The following ELMO1 variants were observed in gnomAD, a reference collection of about 807,000 sequenced individuals.
ELMO1 encodes engulfment and cell motility protein 1.
ELMO1 carries 26 observed loss-of-function variants against 98.9 expected under a neutral mutation model. The ratio of observed to expected loss-of-function variants is 0.26; its 90% CI spans 0.19 to 0.36. The LOEUF (loss-of-function observed/expected upper bound fraction) is 0.36. ELMO1 is among the 10% of genes least tolerant of loss of function. The pLI is 1.00. For synonymous variants in ELMO1, 346 were observed against 346.0 expected (o/e 1.00, Z 0.00); for missense variants, 627 against 935.2 (o/e 0.67, Z 4.30).
chr7:37,381,465 T>C (rs1802576906), intron 1 of ELMO1, among the ~76,000 whole-genome samples: 1 of 152,174 alleles, frequency 6.6e-6, no homozygotes, highest in Non-Finnish European at 1.5e-5. Flanking sequence ...TAGTCAGTAA[T>C]ATACAACCCT....
chr7:37,239,409 C>A (rs1794644585), intron 7 of ELMO1, among the ~76,000 whole-genome samples: 2 of 152,208 alleles, frequency 1.3e-5, no homozygotes, highest in African/African-American at 4.8e-5. Context: ...TCGTGATCCA[C>A]CTGCCTTGGC....
rs545648584 is a variant in ELMO1 at position 37,100,370 on chromosome 7, T to C, written c.1192-3643A>G. On this transcript the variant is annotated intron_variant, in intron 14 of 21. Coordinates refer to ENST00000310758, the MANE Select transcript of ELMO1 (RefSeq NM_014800.11). ...CATAAATTCCAGGCTCTCCTCTGAA[T>C]GCTCTGTGTTTCTTGTCGCTCTTCT... Among the ~76,000 whole-genome samples the C allele has an allele frequency of 3.3e-5, 5 of 152,340 alleles. No individual in the cohort carries two copies. In the South Asian group the frequency reaches 6.2e-4, roughly 19 times the overall value.
chr7:37,226,235 A>G (rs1166916151), intron 8 of ELMO1, among the ~76,000 whole-genome samples: 3 of 152,214 alleles, frequency 2.0e-5, no homozygotes, highest in Non-Finnish European at 4.4e-5. Context: ...CCGAAAAGCT[A>G]TTATTTTAAA....
At chr7:37,034,565 C>T (rs1795072434) in intron 15 of ELMO1, among the ~76,000 whole-genome samples, 1 of 152,134 alleles carries the variant, frequency 6.6e-6, no homozygotes. Context: ...AGATGCCTAT[C>T]AGATAGCAAA....
intron 13 of ELMO1, among the ~76,000 whole-genome samples, chr7:37,167,401 T>C (rs1423201440): frequency 1.3e-5 from 2 of 152,080 alleles, no homozygotes; most frequent in Admixed American, 1.3e-4. Context: ...CTGGTTATTT[T>C]GCTCGTTAGT....
intron 16 of ELMO1, among the ~76,000 whole-genome samples, chr7:37,011,249 C>A (rs747318456): frequency 9.9e-5 from 15 of 152,176 alleles, no homozygotes; most frequent in Non-Finnish European, 1.9e-4. Context: ...CCTGGCAGGG[C>A]CCTGAACAGG....
At chr7:37,077,412 G>C (rs1439143077) in intron 15 of ELMO1, among the ~76,000 whole-genome samples, 2 of 152,196 alleles carry the variant, frequency 1.3e-5, no homozygotes, top group Admixed American at 1.3e-4. Context: ...GTCACACTGA[G>C]ATTTCTGGGG....
At chr7:37,281,922 C>T (rs897779530) in intron 4 of ELMO1, among the ~76,000 whole-genome samples, 6 of 152,142 alleles carry the variant, frequency 3.9e-5, no homozygotes, top group Admixed American at 3.9e-4. Flanking sequence ...GCCCTGCTGT[C>T]ATATTTACTC....
At chr7:36,976,608 T>C (rs553373683) in intron 16 of ELMO1, among the ~76,000 whole-genome samples, 76 of 152,336 alleles carry the variant, frequency 5.0e-4, no homozygotes, top group African/African-American at 1.8e-3. Flanking sequence ...ACAAGTCCTT[T>C]TGTTTGGCTC....
intron 17 of ELMO1, among the ~76,000 whole-genome samples, chr7:36,890,476 C>T (rs1041370939): frequency 2.0e-5 from 3 of 152,164 alleles, no homozygotes; most frequent in Non-Finnish European, 2.9e-5. Context: ...TATCCAAAGC[C>T]GAACTTCTGA....
chr7:37,449,117 A>G (rs1035680670), upstream of ELMO1: 2 of 152,344 alleles, frequency 1.3e-5, no homozygotes, highest in African/African-American at 4.8e-5. Flanking sequence ...GGGGATGCCC[A>G]CGACTTTTTG....
chr7:37,040,079 G>C (rs990475600), intron 15 of ELMO1, among the ~76,000 whole-genome samples: 54 of 152,074 alleles, frequency 3.6e-4, no homozygotes, highest in African/African-American at 1.3e-3. Flanking sequence ...CTGAGCACTT[G>C]AAATGGGGCT....
chr7:37,209,819 C>T (rs1486931817), intron 13 of ELMO1, among the ~76,000 whole-genome samples: 1 of 152,138 alleles, frequency 6.6e-6, no homozygotes, highest in Non-Finnish European at 1.5e-5. Flanking sequence ...AACTCACCCG[C>T]TCCACCAGTC....
intron 10 of ELMO1, 49 bp from the exon 11 acceptor site, chr7:37,216,744 A>C: frequency 6.2e-7 from 1 of 1,609,816 alleles, no homozygotes; most frequent in Non-Finnish European, 8.5e-7. Context: ...AGAAAGCTAC[A>C]TTTCGACATG....
intron 15 of ELMO1, among the ~76,000 whole-genome samples, chr7:37,042,169 C>A (rs1795551813): frequency 6.9e-6 from 1 of 143,926 alleles, no homozygotes. Context: ...ACTCCAACTC[C>A]AACTTTGGCT....
chr7:37,189,681 A>G (rs1791454845), intron 13 of ELMO1, among the ~76,000 whole-genome samples: 2 of 152,200 alleles, frequency 1.3e-5, no homozygotes, highest in Admixed American at 1.3e-4. Flanking sequence ...TGAGAGACAC[A>G]TTTCCAGGGA....
intron 16 of ELMO1, among the ~76,000 whole-genome samples, chr7:36,938,938 G>A (rs980964542): frequency 2.0e-5 from 3 of 152,112 alleles, no homozygotes; most frequent in Non-Finnish European, 1.5e-5. Flanking sequence ...TGAGGTGGGA[G>A]GATTGTTTGA....
intron 13 of ELMO1, among the ~76,000 whole-genome samples, chr7:37,204,514 A>C (rs1014198612): frequency 1.3e-5 from 2 of 152,200 alleles, no homozygotes; most frequent in Admixed American, 1.3e-4. Flanking sequence ...AGACCCAAAG[A>C]GTGAGCAGCA....
chr7:37,328,198 A>G (rs922826162), intron 2 of ELMO1, among the ~76,000 whole-genome samples: 1 of 152,024 alleles, frequency 6.6e-6, no homozygotes, highest in African/African-American at 2.4e-5. Context: ...GCCTGGCCAC[A>G]TGGCAAAACC....
Sources: gnomAD v4.1 joint callset for allele counts (sites outside exome capture counted in the v4.1 genomes callset) on GRCh38, gnomAD v4.1.1 for gene constraint, MANE v1.5 for transcripts, NCBI Gene and HGNC (gene_info 2026-07-23, HGNC 2026-07-21) for gene names.